STAU2: variants seen among roughly 807,000 people sequenced by gnomAD.
The protein encoded by STAU2 is double-stranded RNA-binding protein Staufen homolog 2.
STAU2 carries 20 observed loss-of-function variants against 65.9 expected under a neutral mutation model. The observed-to-expected ratio is 0.30, with a 90% CI of 0.21 to 0.44. The LOEUF (loss-of-function observed/expected upper bound fraction) is 0.44, where lower values mean the gene tolerates loss of function less well. STAU2 is among the 20% of genes least tolerant of loss of function. The pLI is 1.00. For synonymous variants in STAU2, 232 were observed against 233.9 expected, an observed-to-expected ratio of 0.99 and a Z score of 0.07; for missense variants, 558 against 683.9, an observed-to-expected ratio of 0.82 and a Z score of 2.05.
intron 12 of STAU2, among the ~76,000 whole-genome samples, chr8:73,574,421 A>C (rs1220524105): frequency 6.6e-6 from 1 of 152,222 alleles, no homozygotes; most frequent in Non-Finnish European, 1.5e-5. Context: ...TACCCAAAGG[A>C]TTATAAATCA....
chr8:73,630,378 A>G (rs897431452), intron 6 of STAU2, among the ~76,000 whole-genome samples: 1 of 152,242 alleles, frequency 6.6e-6, no homozygotes, highest in Admixed American at 6.5e-5. Context: ...GGGAGATGAT[A>G]TTGGTAGAGA....
intron 11 of STAU2, among the ~76,000 whole-genome samples, chr8:73,591,273 C>A (rs1503453): frequency 0.18 from 27,864 of 151,290 alleles, 2,806 homozygotes; most frequent in African/African-American, 0.27. Flanking sequence ...GAGAAGTAAC[C>A]TATGTGACCA....
chr8:73,589,025 A>G (rs539447688), intron 11 of STAU2, among the ~76,000 whole-genome samples: 51 of 152,330 alleles, frequency 3.3e-4, no homozygotes, highest in Non-Finnish European at 5.0e-4. Context: ...ACCCCATGCC[A>G]TGACACAGCA....
chr8:73,693,700 G>C (rs1819514331), intron 4 of STAU2, among the ~76,000 whole-genome samples: 1 of 152,192 alleles, frequency 6.6e-6, no homozygotes, highest in Non-Finnish European at 1.5e-5. Flanking sequence ...ACAGTAAAAA[G>C]TGTAGTAGTT....
chr8:73,709,490 C>T lies in STAU2; in HGVS notation c.-17-328G>A, dbSNP rs148612114. 7.3e-4 allele frequency among the ~76,000 whole-genome samples: 111 copies of T among 152,054 alleles called. 1 individual carries two copies. In the East Asian group the frequency reaches 0.018, roughly 24 times the overall value. ...TCAAAAAATTTACTAGAAACACATACGTTTCCTGGTTCTTATTACTATGAA... is the reference window on the plus strand; with the variant it reads ...TCAAAAAATTTACTAGAAACACATATGTTTCCTGGTTCTTATTACTATGAA... On this transcript the variant is annotated intron_variant, in intron 3 of 14. Coordinates refer to ENST00000524300, the MANE Select transcript of STAU2 (RefSeq NM_001164380.2).
At chr8:73,425,479 C>T (rs1395475041) in intron 13 of STAU2, among the ~76,000 whole-genome samples, 1 of 152,102 alleles carries the variant, frequency 6.6e-6, no homozygotes, top group Non-Finnish European at 1.5e-5. Flanking sequence ...CCTGCCAGCA[C>T]CTTGATCTTG....
At chr8:73,487,057 A>G (rs1010779476) in intron 13 of STAU2, among the ~76,000 whole-genome samples, 1 of 152,060 alleles carries the variant, frequency 6.6e-6, no homozygotes, top group African/African-American at 2.4e-5. Flanking sequence ...TCCCTTTCTC[A>G]CTGGCCATTG....
intron 1 of STAU2, among the ~76,000 whole-genome samples, chr8:73,744,659 C>A (rs1201704868): frequency 6.6e-6 from 1 of 152,108 alleles, no homozygotes; most frequent in Non-Finnish European, 1.5e-5. Flanking sequence ...CACTTCATTC[C>A]AGACAAGCCA....
chr8:73,429,503 G>A (rs1817103624), intron 13 of STAU2, among the ~76,000 whole-genome samples: 1 of 134,410 alleles, frequency 7.4e-6, no homozygotes, highest in Admixed American at 8.4e-5. Context: ...TGTGATCATG[G>A]CTCGCTGCAG....
intron 13 of STAU2, among the ~76,000 whole-genome samples, chr8:73,513,786 A>G (rs1021100824): frequency 2.0e-5 from 3 of 152,030 alleles, no homozygotes; most frequent in Non-Finnish European, 4.4e-5. Context: ...GTTGGTGGGC[A>G]TGGGGCTTTC....
intron 13 of STAU2, among the ~76,000 whole-genome samples, chr8:73,448,281 T>C (rs1818588012): frequency 1.3e-5 from 2 of 150,952 alleles, no homozygotes; most frequent in Non-Finnish European, 2.9e-5. Flanking sequence ...TAACGTTTGC[T>C]AAAAGGAGAT....
intron 13 of STAU2, among the ~76,000 whole-genome samples, chr8:73,429,611 T>A (rs1443307250): frequency 2.0e-5 from 3 of 151,068 alleles, no homozygotes; most frequent in African/African-American, 7.3e-5. Flanking sequence ...TTTTTTTTTT[T>A]ATTTCTAGTA....
intron 6 of STAU2, among the ~76,000 whole-genome samples, chr8:73,651,998 T>C (rs1563482624): frequency 6.6e-6 from 1 of 152,338 alleles, no homozygotes; most frequent in African/African-American, 2.4e-5. Context: ...AGGAAGTAAA[T>C]GAAGGGTCAG....
intron 13 of STAU2, chr8:73,440,013 G>A (rs1453650459): frequency 6.6e-6 from 1 of 152,270 alleles, no homozygotes; most frequent in Admixed American, 6.5e-5. Flanking sequence ...GCGAAGCTCA[G>A]GGTGCAGGAC....
intron 3 of STAU2, among the ~76,000 whole-genome samples, chr8:73,731,494 T>C (rs1246615425): frequency 6.6e-6 from 1 of 152,216 alleles, no homozygotes; most frequent in East Asian, 1.9e-4. Flanking sequence ...CCTTCACTTG[T>C]TCCTATTCTC....
At chr8:73,445,022 C>T (rs925198605) in intron 13 of STAU2, among the ~76,000 whole-genome samples, 1 of 152,094 alleles carries the variant, frequency 6.6e-6, no homozygotes, top group African/African-American at 2.4e-5. Flanking sequence ...TCCTGGAAGA[C>T]AAAGAATAGG....
chr8:73,540,744 C>T (rs1185791177), intron 13 of STAU2, among the ~76,000 whole-genome samples: 1 of 151,838 alleles, frequency 6.6e-6, no homozygotes, highest in African/African-American at 2.4e-5. Flanking sequence ...TAGAATGTTA[C>T]CAAAATCAAG....
At chr8:73,430,194 G>A (rs897825768) in intron 13 of STAU2, among the ~76,000 whole-genome samples, 1 of 152,218 alleles carries the variant, frequency 6.6e-6, no homozygotes, top group African/African-American at 2.4e-5. Context: ...AGAAGCCCCA[G>A]GGTTTTGCTG....
rs1406917964 is a variant in STAU2, at chr8:73,422,642, T to C, written c.1591A>G (p.Met531Val). 2.6e-6 allele frequency: 4 copies of C among 1,516,190 alleles called. No homozygotes were observed. In the East Asian group the frequency reaches 1.0e-4, roughly 38 times the overall value. The allele number at this position is 1,516,190 out of a possible 1,614,324, so 93.9% of individuals were successfully genotyped here. A position where few individuals can be genotyped will look rare whatever the true frequency, so the allele number is the denominator to read the frequency against. ...EQGLDPIDGA[M>V]NIEKGSLEKQ... ...TCAAGAGAACCTTTTTCGATATTCA[T>C]TGCTCCATCGATTGGATCCAGTCCT... Residue 531 changes from methionine to valine, a missense_variant, in exon 14 of 15, where the codon ATG (methionine) becomes GTG (valine). This residue lies in a region of STAU2 where 247 missense variants were observed against 270.1 expected (regional missense o/e 0.91). Coordinates refer to ENST00000524300, the MANE Select transcript of STAU2 (RefSeq NM_001164380.2).
Sources: gnomAD v4.1 joint callset for allele counts (sites outside exome capture counted in the v4.1 genomes callset) on GRCh38, gnomAD v4.1.1 for gene constraint, gnomAD v4.1.1 regional missense constraint, MANE v1.5 for transcripts, NCBI Gene and HGNC (gene_info 2026-07-23, HGNC 2026-07-21) for gene names.